The following BABAM2 variants were observed in gnomAD, a reference collection of about 807,000 sequenced individuals.
BABAM2 encodes BRISC and BRCA1-A complex member 2.
A neutral mutation model predicts 54.7 loss-of-function variants in BABAM2; 31 were observed. That is an observed-to-expected ratio of 0.57 (90% CI 0.43 to 0.77). The LOEUF is 0.77. Ranked by LOEUF, BABAM2 falls within the 30% of genes least tolerant of loss-of-function variation. The pLI, the probability that BABAM2 is intolerant of heterozygous loss-of-function variation, is 0.00. For synonymous variants in BABAM2, 167 were observed against 162.9 expected (o/e 1.03, Z -0.19); for missense variants, 364 against 455.8 (o/e 0.80, Z 1.83).
intron 3 of BABAM2, among the ~76,000 whole-genome samples, chr2:27,936,944 A>G (rs1668529287): frequency 1.3e-5 from 2 of 151,842 alleles, no homozygotes; most frequent in South Asian, 2.1e-4. Context: ...AACTTAAAGT[A>G]TAATAATAAT....
At chr2:28,100,888 CA>C (rs1225773617) in intron 6 of BABAM2, among the ~76,000 whole-genome samples, 1 of 152,154 alleles carries the variant, frequency 6.6e-6, no homozygotes, top group African/African-American at 2.4e-5. Flanking sequence ...GGTACTCATT[CA>C]TCATGGTCAG....
At chr2:28,157,892 A>G (rs1040237903) in intron 7 of BABAM2, among the ~76,000 whole-genome samples, 2 of 152,126 alleles carry the variant, frequency 1.3e-5, no homozygotes, top group African/African-American at 4.8e-5. Context: ...TACAGGCATG[A>G]GCTACCGTGC....
At chr2:28,099,938 T>TA (rs965380032) in intron 6 of BABAM2, among the ~76,000 whole-genome samples, 2 of 151,728 alleles carry the variant, frequency 1.3e-5, no homozygotes, top group South Asian at 2.1e-4. Context: ...ATGCCCTAAT[T>TA]AAAAAAAAAT....
At chr2:28,044,969 AC>A (rs1451010836) in intron 5 of BABAM2, among the ~76,000 whole-genome samples, 1 of 146,320 alleles carries the variant, frequency 6.8e-6, no homozygotes, top group Admixed American at 6.9e-5. Flanking sequence ...TAGTTTGAAA[AC>A]TCCTCCTCTA....
chr2:28,009,525 G>A (rs1441059476), intron 4 of BABAM2, among the ~76,000 whole-genome samples: 1 of 152,108 alleles, frequency 6.6e-6, no homozygotes, highest in Non-Finnish European at 1.5e-5. Context: ...CTTTGTTAAG[G>A]TTCGTGAAGC....
At chr2:28,009,940 C>G (rs1674269248) in intron 4 of BABAM2, among the ~76,000 whole-genome samples, 1 of 152,032 alleles carries the variant, frequency 6.6e-6, no homozygotes, top group Non-Finnish European at 1.5e-5. Flanking sequence ...TGAATATGTT[C>G]CAGTCAAGTG....
At chr2:28,003,793 A>G (rs1246311241) in intron 4 of BABAM2, among the ~76,000 whole-genome samples, 1 of 152,206 alleles carries the variant, frequency 6.6e-6, no homozygotes, top group African/African-American at 2.4e-5. Flanking sequence ...GGGAATAAAG[A>G]CAGTAATATT....
intron 6 of BABAM2, among the ~76,000 whole-genome samples, chr2:28,057,052 G>A (rs1240139150): frequency 4.6e-5 from 7 of 151,942 alleles, no homozygotes; most frequent in Admixed American, 4.6e-4. Flanking sequence ...TTATAGGCTA[G>A]GCATTCTTAG....
At chr2:28,241,494 C>T (rs1682424499) in intron 9 of BABAM2, 101 bp downstream of exon 9, 1 of 1,084,794 alleles carries the variant, frequency 9.2e-7, no homozygotes, top group African/African-American at 1.6e-5. Flanking sequence ...AGTTCTTACA[C>T]ATGATACCTT....
rs549265789 is a variant in BABAM2 at position 28,073,363 on chromosome 2, T to C, written c.570+27564T>C. Among the ~76,000 whole-genome samples the C allele has an allele frequency of 2.0e-5, 3 of 152,198 alleles. No individual in the cohort carries two copies. The South Asian group carries it at 6.2e-4, about 32-fold the overall frequency. ...AATTATTTTAATTAGCCAGTTGTCG[T>C]GGTGTGCTTCTGTAGTCCCAGCTAC... is the stretch of plus-strand genomic sequence containing the variant. On this transcript the variant is annotated intron_variant, in intron 6 of 11. Transcript: ENST00000379624.
intron 5 of BABAM2, among the ~76,000 whole-genome samples, chr2:28,031,845 A>T (rs189635566): frequency 6.6e-6 from 1 of 152,200 alleles, no homozygotes; most frequent in Non-Finnish European, 1.5e-5. Context: ...TGACTGGGGA[A>T]AACTTAGGGA....
In BABAM2 at chr2:28,191,495, T is replaced by C. The variant is rs1422462314; in HGVS notation, c.681-45707T>C. On this transcript the variant is annotated intron_variant, in intron 7 of 11. Coordinates refer to ENST00000379624, the MANE Select transcript of BABAM2 (RefSeq NM_199191.3). Reference sequence around the variant, plus strand: ...CCAAGAGGTGGAAACAACCCAAATGTCCATCAACAGGGAATGGATAAACAA... The same window carrying C: ...CCAAGAGGTGGAAACAACCCAAATGCCCATCAACAGGGAATGGATAAACAA... Among the ~76,000 whole-genome samples, 3 of 152,084 alleles carry C rather than the reference T, an allele frequency of 2.0e-5. 1 individual carries two copies. The highest frequency in any genetic ancestry group is 4.4e-5 in the Non-Finnish European group (3 of 68,026).
In BABAM2 at chr2:27,988,188, A is replaced by AT. The variant is rs1307609008; in HGVS notation, c.300+108dup. On this transcript the variant is annotated intron_variant, in intron 4 of 11. Coordinates refer to ENST00000379624, the MANE Select transcript of BABAM2 (RefSeq NM_199191.3). ...ACAGATAGATTTGTCACACATCTGC[A>AT]TTTTTTTCCCACCCCTCTTTTCTCT... is the stretch of plus-strand genomic sequence containing the variant. 1.2e-5 allele frequency: 13 copies of AT among 1,089,828 alleles called. No homozygotes were observed. In the East Asian group the frequency reaches 2.9e-4, roughly 24 times the overall value. The allele number at this position is 1,089,828 out of a possible 1,614,324, so 67.5% of individuals were successfully genotyped here.
intron 6 of BABAM2, among the ~76,000 whole-genome samples, chr2:28,061,667 T>C (rs1678889822): frequency 1.3e-5 from 2 of 151,122 alleles, no homozygotes; most frequent in Non-Finnish European, 2.9e-5. Context: ...TGTTGACATA[T>C]ATATATATAT....
Position 27,894,692 on chromosome 2 carries a change from C to G in BABAM2, c.128+8C>G. On this transcript the variant is annotated splice_region_variant and intron_variant, in intron 2 of 11. Coordinates refer to ENST00000379624, the MANE Select transcript of BABAM2 (RefSeq NM_199191.3). ...AACTGACTTAAAATCTGGGTATGTA[C>G]CAGAATGAATTCAGTCAATGTACCA... 6.2e-7 allele frequency: 1 copy of G among 1,613,886 alleles called. No individual in the cohort carries two copies. Among genetic ancestry groups the G allele is most frequent in the Non-Finnish European group, 8.5e-7 (1 of 1,179,880 alleles).
At chr2:28,030,630 A>G (rs907660225) in intron 5 of BABAM2, among the ~76,000 whole-genome samples, 1 of 152,216 alleles carries the variant, frequency 6.6e-6, no homozygotes, top group Non-Finnish European at 1.5e-5. Flanking sequence ...AAAAATATAG[A>G]CCAAGAGTCT....
intron 10 of BABAM2, among the ~76,000 whole-genome samples, chr2:28,297,226 C>T (rs1212800807): frequency 6.6e-6 from 1 of 152,106 alleles, no homozygotes. Context: ...ATGACATGAG[C>T]AAGTTAATAT....
chr2:27,963,504 A>G (rs1483629565), intron 3 of BABAM2, among the ~76,000 whole-genome samples: 1 of 151,638 alleles, frequency 6.6e-6, no homozygotes, highest in African/African-American at 2.4e-5. Flanking sequence ...GAAAAAGAAA[A>G]GAAGGAAGGA....
intron 7 of BABAM2, among the ~76,000 whole-genome samples, chr2:28,135,461 A>G (rs866069633): frequency 6.6e-6 from 1 of 151,952 alleles, no homozygotes; most frequent in Non-Finnish European, 1.5e-5. Context: ...TTCCTGTGAT[A>G]ACATCCCTAG....
Sources: gnomAD v4.1 joint callset for allele counts (sites outside exome capture counted in the v4.1 genomes callset) on GRCh38, gnomAD v4.1.1 for gene constraint, MANE v1.5 for transcripts, NCBI Gene and HGNC (gene_info 2026-07-23, HGNC 2026-07-21) for gene names.